The following EPB41 variants were observed in gnomAD, a reference collection of about 807,000 sequenced individuals.
EPB41 encodes erythrocyte membrane protein band 4.1.
In EPB41, 65 loss-of-function variants were observed where a neutral mutation model predicts 108.0. The ratio of observed to expected loss-of-function variants is 0.60; its 90% CI spans 0.49 to 0.74. The LOEUF is 0.74. Ranked by LOEUF, EPB41 falls within the 30% of genes least tolerant of loss-of-function variation. The pLI is 0.00. For missense variants in EPB41, 875 were observed against 1,037.0 expected, an observed-to-expected ratio of 0.84 and a Z score of 2.15; for synonymous variants, 336 against 358.9, an observed-to-expected ratio of 0.94 and a Z score of 0.72.
chr1:29,064,617 T>A (rs967468380), intron 15 of EPB41, among the ~76,000 whole-genome samples: 2 of 152,190 alleles, frequency 1.3e-5, no homozygotes, highest in Non-Finnish European at 2.9e-5. Context: ...AAATAATTTC[T>A]TATCAAGCTG....
rs1246726906 is a variant in EPB41 at position 28,923,106 on chromosome 1, C to CTTTTTTTTTTTTTTTTTTTT, written c.-8+8342_-8+8343insTTTTTTTTTTTTTTTTTTTT. ...TTTTCTTCCTTCTTTCCTTTCTTTT[C>CTTTTTTTTTTTTTTTTTTTT]TTTTCTTTTTTTTTTTTTTTTTTTG... On this transcript the variant is annotated intron_variant, in intron 1 of 20. Transcript: ENST00000343067. Among the ~76,000 whole-genome samples, 2 of 114,712 alleles carry CTTTTTTTTTTTTTTTTTTTT rather than the reference C, an allele frequency of 1.7e-5. 1 individual carries two copies. 75.3% of individuals were successfully genotyped at this position (114,712 alleles called of 152,430 possible).
At chr1:28,890,262 T>C (rs7530917) in intron 1 of EPB41, among the ~76,000 whole-genome samples, 3,702 of 152,178 alleles carry the variant, frequency 0.024, 146 homozygotes, top group African/African-American at 0.085. Flanking sequence ...GGTCTCGAAC[T>C]CCTGACCTCA....
intron 1 of EPB41, among the ~76,000 whole-genome samples, chr1:28,957,241 G>A (rs2094991061): frequency 6.6e-6 from 1 of 152,216 alleles, no homozygotes. Flanking sequence ...GGAAGTAAGA[G>A]AACATTAGAA....
At chr1:29,061,614 G>GTTTTT (rs1646594316) in intron 15 of EPB41, among the ~76,000 whole-genome samples, 1 of 116,738 alleles carries the variant, frequency 8.6e-6, no homozygotes, top group Non-Finnish European at 1.7e-5. Context: ...GGGTCTCACA[G>GTTTTT]TGTTACCCAG....
At chr1:28,998,495 G>A (rs972719809) in intron 4 of EPB41, among the ~76,000 whole-genome samples, 19 of 152,134 alleles carry the variant, frequency 1.2e-4, no homozygotes, top group Non-Finnish European at 1.8e-4. Context: ...TTGAAGGGCA[G>A]CAGCCTTCAA....
intron 2 of EPB41, among the ~76,000 whole-genome samples, 178 bp from the exon 3 acceptor site, chr1:28,993,152 A>T (rs1337901531): frequency 6.6e-6 from 1 of 152,278 alleles, no homozygotes. Context: ...TTAATAACAA[A>T]GTCTTTAGGG....
intron 1 of EPB41, among the ~76,000 whole-genome samples, chr1:28,888,699 C>T (rs2089748265): frequency 6.6e-6 from 1 of 152,194 alleles, no homozygotes; most frequent in Non-Finnish European, 1.5e-5. Context: ...GCGATCTCGG[C>T]CCACTGCAAG....
chr1:28,926,811 G>A (rs753115519), intron 1 of EPB41, among the ~76,000 whole-genome samples: 1 of 152,152 alleles, frequency 6.6e-6, no homozygotes, highest in Non-Finnish European at 1.5e-5. Context: ...CTTGACTTAT[G>A]CATTTTTCTA....
chr1:28,971,180 C>CTTTTTTTTTTTTTTTTTTTTTTTTT (rs1000130058), intron 1 of EPB41, among the ~76,000 whole-genome samples: 5 of 66,322 alleles, frequency 7.5e-5, no homozygotes, highest in South Asian at 6.9e-4. Flanking sequence ...TTCTTTCTTT[C>CTTTTTTTTTTTTTTTTTTTTTTTTT]TTTTTTTTTT....
At chr1:28,917,177 C>G (rs1032639053) in intron 1 of EPB41, among the ~76,000 whole-genome samples, 1 of 152,002 alleles carries the variant, frequency 6.6e-6, no homozygotes, top group African/African-American at 2.4e-5. Flanking sequence ...CACCTTTATT[C>G]TCCTTATTTT....
intron 1 of EPB41, among the ~76,000 whole-genome samples, chr1:28,983,511 T>G (rs535694733): frequency 6.6e-6 from 1 of 152,128 alleles, no homozygotes; most frequent in Non-Finnish European, 1.5e-5. Flanking sequence ...AGACCCCTTA[T>G]AGTGAAGCAG....
chr1:29,005,540 A>G (rs1039972624), intron 4 of EPB41, among the ~76,000 whole-genome samples: 2 of 152,238 alleles, frequency 1.3e-5, no homozygotes, highest in Non-Finnish European at 2.9e-5. Context: ...ATTCATAAAC[A>G]TTTATTATTC....
At chr1:28,910,991 C>T (rs1221348295), upstream of EPB41, 2 of 985,262 alleles carry the variant, frequency 2.0e-6, no homozygotes, top group Non-Finnish European at 2.4e-6. Flanking sequence ...GGAAATTAGC[C>T]TCAGAGACGG....
At chr1:28,911,256 G>T, upstream of EPB41, 1 of 763,102 alleles carries the variant, frequency 1.3e-6, no homozygotes, top group Non-Finnish European at 1.6e-6. Context: ...TGTGTGGATA[G>T]TACTTTACAG....
upstream of EPB41, among the ~76,000 whole-genome samples, chr1:28,911,956 G>A (rs765179796): frequency 2.0e-5 from 3 of 152,112 alleles, no homozygotes; most frequent in Non-Finnish European, 4.4e-5. Context: ...CAGGAGAATC[G>A]CTTGAACCTG....
chr1:29,079,589 TTGG>T (rs1464929892), intron 16 of EPB41, among the ~76,000 whole-genome samples: 1 of 151,900 alleles, frequency 6.6e-6, no homozygotes, highest in Non-Finnish European at 1.5e-5. Flanking sequence ...TTTTGTATTT[TTGG>T]TGGAGATGGA....
intron 1 of EPB41, among the ~76,000 whole-genome samples, chr1:28,973,821 TTCA>T (rs1332374560): frequency 1.3e-5 from 2 of 152,190 alleles, no homozygotes; most frequent in East Asian, 3.8e-4. Flanking sequence ...CAGATGGGCA[TTCA>T]GCTTGAGTGA....
At chr1:29,014,218 G>A (rs1412466636) in intron 5 of EPB41, among the ~76,000 whole-genome samples, 1 of 152,074 alleles carries the variant, frequency 6.6e-6, no homozygotes, top group African/African-American at 2.4e-5. Flanking sequence ...TGGGGAGGCT[G>A]AGGCAGGAGA....
rs780439196 is a variant in EPB41, at chr1:28,906,780, C to CTT, written c.-8+19582_-8+19583dup. 1.8e-4 allele frequency among the ~76,000 whole-genome samples: 26 copies of CTT among 144,006 alleles called. 1 individual carries two copies. The highest frequency in any genetic ancestry group is 4.1e-4 in the East Asian group (2 of 4,908). 94.5% of individuals were successfully genotyped at this position (144,006 alleles called of 152,430 possible). ...AATCACCTAACTTTTCTTTTTTTTT[C>CTT]TTTTTTTTTTTTTGAGACGGAGTCT... On this transcript the variant is annotated intron_variant, in intron 1 of 16. Coordinates refer to the EPB41 transcript ENST00000347529.
Sources: gnomAD v4.1 joint callset for allele counts (sites outside exome capture counted in the v4.1 genomes callset) on GRCh38, gnomAD v4.1.1 for gene constraint, MANE v1.5 for transcripts, NCBI Gene and HGNC (gene_info 2026-07-23, HGNC 2026-07-21) for gene names.